The following FOXJ3 variants were observed in gnomAD, a reference collection of about 807,000 sequenced individuals.
The protein encoded by FOXJ3 is forkhead box J3.
In FOXJ3, 22 loss-of-function variants were observed where a neutral mutation model predicts 76.1. The ratio of observed to expected loss-of-function variants is 0.29; its 90% confidence interval spans 0.21 to 0.41. The LOEUF (loss-of-function observed/expected upper bound fraction) is 0.41, where lower values mean the gene tolerates loss of function less well. FOXJ3 is among the 10% of genes least tolerant of loss of function. The pLI, the probability that FOXJ3 is intolerant of heterozygous loss-of-function variation, is 1.00. For synonymous variants in FOXJ3, 269 were observed against 261.2 expected, an observed-to-expected ratio of 1.03 and a Z score of -0.29; for missense variants, 613 against 762.1, an observed-to-expected ratio of 0.80 and a Z score of 2.30.
At chr1:42,215,394 TA>T (rs1647045805) in intron 5 of FOXJ3, among the ~76,000 whole-genome samples, 1 of 151,868 alleles carries the variant, frequency 6.6e-6, no homozygotes, top group Non-Finnish European at 1.5e-5. Flanking sequence ...AAAGAATCAG[TA>T]AACTTAAAGG....
intron 1 of FOXJ3, among the ~76,000 whole-genome samples, chr1:42,324,543 G>C (rs145258662): frequency 2.0e-4 from 30 of 151,808 alleles, no homozygotes; most frequent in Admixed American, 1.4e-3. Flanking sequence ...TCTAAGAAAC[G>C]TGTCGTTAGG....
At chr1:42,285,461 G>A (rs1302949555) in intron 2 of FOXJ3, among the ~76,000 whole-genome samples, 3 of 151,886 alleles carry the variant, frequency 2.0e-5, no homozygotes, top group African/African-American at 7.3e-5. Flanking sequence ...TTACTCGAAG[G>A]AGCAAAAAGT....
At chr1:42,204,804 C>T (rs956313672) in intron 6 of FOXJ3, among the ~76,000 whole-genome samples, 2 of 151,734 alleles carry the variant, frequency 1.3e-5, no homozygotes, top group African/African-American at 4.8e-5. Context: ...TATGCCTAGG[C>T]TACCAGTTTC....
chr1:42,244,080 A>G (rs1401262187), intron 4 of FOXJ3, among the ~76,000 whole-genome samples: 1 of 152,204 alleles, frequency 6.6e-6, no homozygotes, highest in Admixed American at 6.5e-5. Flanking sequence ...TATTGGCTCA[A>G]TAAAGAAATT....
At chr1:42,324,186 GGAA>G (rs1557726358) in intron 1 of FOXJ3, among the ~76,000 whole-genome samples, 295 of 11,522 alleles carry the variant, frequency 0.026, 1 homozygote, top group African/African-American at 0.067. Context: ...ATAAATTCTA[GGAA>G]TATATATACT....
At chr1:42,290,080 G>C (rs1013545165) in intron 2 of FOXJ3, among the ~76,000 whole-genome samples, 9 of 152,072 alleles carry the variant, frequency 5.9e-5, no homozygotes, top group African/African-American at 2.2e-4. Flanking sequence ...ATGTTTTAAG[G>C]AAAAAGTTCC....
At chr1:42,304,364 A>T (rs1654334404) in intron 2 of FOXJ3, among the ~76,000 whole-genome samples, 1 of 152,148 alleles carries the variant, frequency 6.6e-6, no homozygotes, top group Non-Finnish European at 1.5e-5. Flanking sequence ...TCCCTATCAA[A>T]ATACCAATGA....
chr1:42,182,610 G>T (rs1458630743), intron 11 of FOXJ3, among the ~76,000 whole-genome samples: 1 of 152,138 alleles, frequency 6.6e-6, no homozygotes, highest in Non-Finnish European at 1.5e-5. Flanking sequence ...CGATTCTCCT[G>T]CCTCACCCTC....
intron 4 of FOXJ3, among the ~76,000 whole-genome samples, chr1:42,238,685 C>T (rs1648893805): frequency 6.6e-6 from 1 of 151,994 alleles, no homozygotes; most frequent in Admixed American, 6.6e-5. Flanking sequence ...CAGCCTCCCA[C>T]GTAGCTGGGA....
chr1:42,212,521 T>A (rs1449517816), intron 5 of FOXJ3, among the ~76,000 whole-genome samples: 1 of 151,718 alleles, frequency 6.6e-6, no homozygotes, highest in Non-Finnish European at 1.5e-5. Context: ...GTTAACCTCA[T>A]CAGATAAAAA....
At chr1:42,189,602 C>A in intron 9 of FOXJ3, 198 bp from the exon 10 acceptor site, 1 of 458,378 alleles carries the variant, frequency 2.2e-6, no homozygotes, top group Admixed American at 3.9e-5. Context: ...CTCCATTTTA[C>A]AAATAAAAGA....
At chr1:42,328,784 A>C (rs145879016) in intron 1 of FOXJ3, among the ~76,000 whole-genome samples, 5,889 of 148,440 alleles carry the variant, frequency 0.04, 147 homozygotes, top group South Asian at 0.094. Context: ...CTCCTGCCTC[A>C]GCTTCCCAAA....
intron 1 of FOXJ3, among the ~76,000 whole-genome samples, chr1:42,321,678 T>C (rs1045948740): frequency 6.6e-6 from 1 of 152,192 alleles, no homozygotes; most frequent in Admixed American, 6.5e-5. Context: ...CTACATAACA[T>C]AAACGTGGGT....
intron 2 of FOXJ3, among the ~76,000 whole-genome samples, chr1:42,298,416 G>A (rs1204524472): frequency 1.3e-5 from 2 of 152,150 alleles, no homozygotes; most frequent in East Asian, 1.9e-4. Context: ...ATCTTTCCAG[G>A]AATTTGTGCA....
rs190044108 is a variant in FOXJ3, at chr1:42,209,894, T to C, written c.529-4031A>G. ...CCAGAACCAAGGGGCAAGTGAGAAGTGTGCTACAGCCACAGGTGCAGGAGC... is the reference window on the plus strand; with the variant it reads ...CCAGAACCAAGGGGCAAGTGAGAAGCGTGCTACAGCCACAGGTGCAGGAGC... On this transcript the variant is annotated intron_variant, in intron 5 of 12. Coordinates refer to ENST00000361346, the MANE Select transcript of FOXJ3 (RefSeq NM_014947.5). Among the ~76,000 whole-genome samples the C allele has an allele frequency of 3.3e-5, 5 of 152,212 alleles. No individual in the cohort carries two copies. In the East Asian group the frequency reaches 9.7e-4, roughly 29 times the overall value.
intron 4 of FOXJ3, among the ~76,000 whole-genome samples, chr1:42,256,555 T>C (rs1344137694): frequency 6.6e-6 from 1 of 152,056 alleles, no homozygotes; most frequent in Non-Finnish European, 1.5e-5. Flanking sequence ...CCCAGTAGAA[T>C]GGCTACAGTT....
At chr1:42,268,140 A>G (rs1264222287) in intron 3 of FOXJ3, among the ~76,000 whole-genome samples, 2 of 152,084 alleles carry the variant, frequency 1.3e-5, no homozygotes, top group Non-Finnish European at 2.9e-5. Context: ...GAATAAAGTA[A>G]AAATCCACAT....
chr1:42,215,916 T>C (rs1229227869), intron 5 of FOXJ3, among the ~76,000 whole-genome samples: 6 of 151,082 alleles, frequency 4.0e-5, no homozygotes, highest in Admixed American at 6.6e-5. Context: ...CTTTGGGAGG[T>C]TGAGATGGGA....
intron 2 of FOXJ3, among the ~76,000 whole-genome samples, chr1:42,296,030 A>G (rs1271581431): frequency 2.6e-5 from 4 of 152,138 alleles, no homozygotes; most frequent in Non-Finnish European, 5.9e-5. Flanking sequence ...TTGGCTTTTT[A>G]ACAGCAATTC....
Sources: allele counts gnomAD v4.1 joint callset (sites outside exome capture counted in the v4.1 genomes callset), GRCh38; gene constraint gnomAD v4.1.1; transcripts MANE v1.5; gene names NCBI Gene and HGNC (gene_info 2026-07-23, HGNC 2026-07-21).